The following TBCK variants were observed in gnomAD, a reference collection of about 807,000 sequenced individuals.
TBCK encodes TBC domain-containing protein kinase-like protein.
Under a neutral mutation model 113.4 loss-of-function variants are expected in TBCK, and 99 were observed. That is an observed-to-expected ratio of 0.87 (90% CI 0.74 to 1.03). The LOEUF (loss-of-function observed/expected upper bound fraction) is 1.03. Ranked by LOEUF, TBCK falls within the 50% of genes least tolerant of loss-of-function variation. The pLI is 0.00. For synonymous variants in TBCK, 369 were observed against 370.8 expected (o/e 1.00, Z 0.05); for missense variants, 1,045 against 1,061.3 (o/e 0.98, Z 0.21).
intron 23 of TBCK, among the ~76,000 whole-genome samples, chr4:106,124,095 C>G (rs1170670133): frequency 6.6e-6 from 1 of 151,164 alleles, no homozygotes; most frequent in Admixed American, 6.6e-5. Flanking sequence ...TTTTCGCAAC[C>G]TACTCATCTG....
In TBCK at chr4:106,197,044, C is replaced by A. The variant is rs1249678418; in HGVS notation, c.1861-2290G>T. On this transcript the variant is annotated intron_variant, in intron 20 of 25. Coordinates refer to ENST00000394708, the MANE Select transcript of TBCK (RefSeq NM_001163435.3). ...AAATCAGACCAAATATATAAAACAA[C>A]AATTTGTACATCTTAGAGAGTGGTA... Among the ~76,000 whole-genome samples, 4 of 152,180 alleles carry A rather than the reference C, an allele frequency of 2.6e-5. No homozygotes were observed. The East Asian group carries it at 7.7e-4, about 29-fold the overall frequency.
chr4:106,242,216 G>A (rs951324251), intron 12 of TBCK, among the ~76,000 whole-genome samples: 1 of 152,054 alleles, frequency 6.6e-6, no homozygotes, highest in Non-Finnish European at 1.5e-5. Flanking sequence ...AAAAGAAAGT[G>A]TTACCAGGTA....
At chr4:106,204,012 C>A (rs1755174748) in intron 20 of TBCK, among the ~76,000 whole-genome samples, 1 of 152,050 alleles carries the variant, frequency 6.6e-6, no homozygotes, top group Non-Finnish European at 1.5e-5. Flanking sequence ...ATAATATATC[C>A]ATTATAGCTT....
At chr4:106,133,747 A>G (rs1318075492) in intron 23 of TBCK, among the ~76,000 whole-genome samples, 1 of 152,242 alleles carries the variant, frequency 6.6e-6, no homozygotes, top group Non-Finnish European at 1.5e-5. Flanking sequence ...GTGATGGCTC[A>G]CGCCTGTAAT....
intron 20 of TBCK, among the ~76,000 whole-genome samples, chr4:106,202,202 G>C (rs764597927): frequency 5.5e-4 from 83 of 151,032 alleles, no homozygotes; most frequent in Non-Finnish European, 9.2e-4. Flanking sequence ...TAAATTAGGA[G>C]AGGCATGAGC....
At chr4:106,183,634 T>C (rs1287768567) in intron 22 of TBCK, among the ~76,000 whole-genome samples, 1 of 152,114 alleles carries the variant, frequency 6.6e-6, no homozygotes, top group Non-Finnish European at 1.5e-5. Context: ...ATAGGTCTCA[T>C]AGAAAGTGGA....
At position 106,110,247 on chromosome 4, in the gene TBCK, T is replaced by A. The variant is rs1742687145; in HGVS notation, c.2411+5956A>T. ...AGCCTACTCTTTCACTCAATACTTG[T>A]GTCTAAGTACATTCTTTCATCCATC... On this transcript the variant is annotated intron_variant, in intron 24 of 25. Coordinates refer to ENST00000394708, the MANE Select transcript of TBCK (RefSeq NM_001163435.3). Among the ~76,000 whole-genome samples, 2 of 152,248 alleles carry A rather than the reference T, an allele frequency of 1.3e-5. 1 individual carries two copies. The highest frequency in any genetic ancestry group is 4.1e-4 in the South Asian group (2 of 4,832).
At chr4:106,193,502 G>A in intron 22 of TBCK, 107 bp downstream of exon 22, 1 of 1,153,054 alleles carries the variant, frequency 8.7e-7, no homozygotes, top group Non-Finnish European at 1.3e-6. Flanking sequence ...GGCCCAAACA[G>A]AAGAGATGCT....
intron 3 of TBCK, among the ~76,000 whole-genome samples, chr4:106,286,013 A>G (rs1645826137): frequency 1.3e-5 from 2 of 152,236 alleles, no homozygotes; most frequent in African/African-American, 4.8e-5. Flanking sequence ...TGGATGGATC[A>G]GATAACAACT....
At chr4:106,134,599 C>T (rs773050909) in intron 23 of TBCK, among the ~76,000 whole-genome samples, 3 of 152,190 alleles carry the variant, frequency 2.0e-5, no homozygotes, top group African/African-American at 4.8e-5. Context: ...ATACGATGTA[C>T]TTCCATTCCT....
intron 23 of TBCK, among the ~76,000 whole-genome samples, 197 bp from the exon 24 acceptor site, chr4:106,116,575 G>C (rs1337666685): frequency 6.6e-6 from 1 of 152,120 alleles, no homozygotes; most frequent in Non-Finnish European, 1.5e-5. Flanking sequence ...TGGCTTGTTA[G>C]GAACTGGGCC....
intron 12 of TBCK, among the ~76,000 whole-genome samples, chr4:106,241,602 G>T (rs1290314668): frequency 6.6e-6 from 1 of 151,806 alleles, no homozygotes; most frequent in African/African-American, 2.4e-5. Context: ...CATAGAAAAA[G>T]TTGGTATTAT....
intron 20 of TBCK, among the ~76,000 whole-genome samples, chr4:106,198,738 T>A (rs1754540351): frequency 6.6e-6 from 1 of 152,140 alleles, no homozygotes; most frequent in Non-Finnish European, 1.5e-5. Context: ...ACTCTTTCAT[T>A]CATTCATGCT....
intron 2 of TBCK, among the ~76,000 whole-genome samples, chr4:106,296,777 G>A (rs1374646921): frequency 6.6e-6 from 1 of 151,614 alleles, no homozygotes; most frequent in Non-Finnish European, 1.5e-5. Context: ...TAGAGAGAGA[G>A]GTGAGCAGGA....
rs1761197923 is a variant in TBCK, at chr4:106,249,500, T to C, written c.659-518A>G. On this transcript the variant is annotated intron_variant, in intron 7 of 25. Transcript: ENST00000394708. Reference sequence around the variant, plus strand: ...TGGATTTTGGTACATGTGAGGGTGCTAGAACCAATCCTCTTCAAGAACTGA... The same window carrying C: ...TGGATTTTGGTACATGTGAGGGTGCCAGAACCAATCCTCTTCAAGAACTGA... Among the ~76,000 whole-genome samples, 4 of 152,318 alleles carry C rather than the reference T, an allele frequency of 2.6e-5. No individual in the cohort carries two copies. The South Asian group carries it at 6.2e-4, about 24-fold the overall frequency.
At chr4:106,268,658 GA>G (rs1763205240) in intron 3 of TBCK, among the ~76,000 whole-genome samples, 1 of 151,982 alleles carries the variant, frequency 6.6e-6, no homozygotes, top group African/African-American at 2.4e-5. Flanking sequence ...TTTACTGAAA[GA>G]AACAGGAATA....
chr4:106,201,054 T>A (rs574102909), intron 20 of TBCK, among the ~76,000 whole-genome samples: 15 of 152,078 alleles, frequency 9.9e-5, no homozygotes, highest in South Asian at 6.2e-4. Context: ...TTATAAAAAA[T>A]TATTTAAAAT....
chr4:106,250,135 C>G (rs919837973), intron 7 of TBCK, among the ~76,000 whole-genome samples: 3 of 152,024 alleles, frequency 2.0e-5, no homozygotes, highest in African/African-American at 7.2e-5. Context: ...TTTATATTCT[C>G]ATTTTGATTT....
At position 106,193,722 on chromosome 4, in the gene TBCK, A is replaced by G. The variant is rs1379238000; in HGVS notation, c.1946T>C (p.Leu649Pro). ...KIFHLWDTLL[L>P]GNSSFPFCIG... Reference sequence around the variant, plus strand: ...ACAGAATGGGAAAGAGGAATTCCCAAGTAGTAAGGTATCCCAGAGGTGGAA... The same window carrying G: ...ACAGAATGGGAAAGAGGAATTCCCAGGTAGTAAGGTATCCCAGAGGTGGAA... Residue 649 changes from leucine to proline, a missense_variant, in exon 22 of 26, where the codon CTT becomes CCT. By Grantham distance (98) the Leu-to-Pro change is moderately conservative. Transcript: ENST00000394708. 5.0e-6 allele frequency: 8 copies of G among 1,608,958 alleles called. No individual in the cohort carries two copies. Among genetic ancestry groups the G allele is most frequent in the East Asian group, 4.5e-5 (2 of 44,796 alleles).
Sources: gnomAD v4.1 joint callset for allele counts (sites outside exome capture counted in the v4.1 genomes callset) on GRCh38, gnomAD v4.1.1 for gene constraint, MANE v1.5 for transcripts, NCBI Gene and HGNC (gene_info 2026-07-23, HGNC 2026-07-21) for gene names.